KDM6A: variants seen among roughly 807,000 people sequenced by gnomAD.
KDM6A encodes lysine demethylase 6A, also known as lysine-specific demethylase 6A.
KDM6A carries 11 observed loss-of-function variants against 117.6 expected under a neutral mutation model. That is an observed-to-expected ratio of 0.09 (90% CI 0.06 to 0.15). The LOEUF (loss-of-function observed/expected upper bound fraction) is 0.15. KDM6A is among the 10% of genes least tolerant of loss of function. The pLI, the probability that KDM6A is intolerant of heterozygous loss-of-function variation, is 1.00. For missense variants in KDM6A, 799 were observed against 1,077.3 expected (o/e 0.74, Z 3.62); for synonymous variants, 384 against 396.1 (o/e 0.97, Z 0.36).
At chrX:45,111,164 AAAATTGCAAGTAC>A (rs1363928987) in intron 29 of KDM6A, among the ~76,000 whole-genome samples, 4 of 111,303 alleles carry the variant, frequency 3.6e-5, no homozygotes, top group Non-Finnish European at 5.7e-5. Flanking sequence ...AGAAGTATAG[AAAATTGCAAGTAC>A]ACTGAGTAGG....
At chrX:45,065,688 A>T (rs1419041062) in intron 17 of KDM6A, among the ~76,000 whole-genome samples, 4 of 112,079 alleles carry the variant, frequency 3.6e-5, no homozygotes, top group Non-Finnish European at 7.5e-5. Context: ...AACTAGAAGG[A>T]TGGATGAAAC....
rs140465852 is a variant in KDM6A, at chrX:45,001,434, T to C, written c.385-9527T>C. ...CTAACTACAGCATAAAAGCTCTGCA[T>C]TGGGGAGCAAGACTCCTGGTTGACA... On this transcript the variant is annotated intron_variant, in intron 4 of 29. Transcript: ENST00000611820. 7.0e-3 allele frequency among the ~76,000 whole-genome samples: 775 copies of C among 111,448 alleles called. 7 individuals carry two copies. The highest frequency in any genetic ancestry group is 0.024 in the African/African-American group (733 of 30,610).
chrX:45,040,511 T>C (rs1602683685), intron 8 of KDM6A, among the ~76,000 whole-genome samples: 2 of 59,494 alleles, frequency 3.4e-5, no homozygotes, highest in Non-Finnish European at 3.2e-5. Flanking sequence ...CCCCCCCACC[T>C]CCCTCCCGGA....
chrX:44,946,490 A>G (rs746375743), intron 2 of KDM6A, among the ~76,000 whole-genome samples: 51 of 111,776 alleles, frequency 4.6e-4, no homozygotes, highest in South Asian at 1.1e-3. Context: ...TGTTGAAAGT[A>G]TATTTTCTCA....
intron 2 of KDM6A, among the ~76,000 whole-genome samples, chrX:44,934,579 T>C (rs2036857560): frequency 9.0e-6 from 1 of 111,723 alleles, no homozygotes; most frequent in Non-Finnish European, 1.9e-5. Flanking sequence ...CTTTTCATTA[T>C]TTGGTGTTAA....
At chrX:44,874,671 G>C (rs946227523) in intron 2 of KDM6A, among the ~76,000 whole-genome samples, 1 of 109,745 alleles carries the variant, frequency 9.1e-6, no homozygotes, top group South Asian at 3.9e-4. Context: ...GAGGATTCGG[G>C]GTGTAGTCTT....
chrX:45,097,173 G>A (rs977116424), intron 27 of KDM6A, among the ~76,000 whole-genome samples: 4 of 110,402 alleles, frequency 3.6e-5, no homozygotes, highest in African/African-American at 9.9e-5. Context: ...CCACATGGAC[G>A]CATAGAGGGG....
chrX:45,018,604 A>G (rs770904436), intron 5 of KDM6A, among the ~76,000 whole-genome samples: 1 of 111,854 alleles, frequency 8.9e-6, no homozygotes, highest in Non-Finnish European at 1.9e-5. Flanking sequence ...ATAGAAACTG[A>G]GAGTAGGAAA....
chrX:45,079,062 T>A, intron 20 of KDM6A, 84 bp from the exon 21 acceptor site: 1 of 837,886 alleles, frequency 1.2e-6, no homozygotes, highest in Non-Finnish European at 1.7e-6. Context: ...ATGCTTTACC[T>A]TCTTCCTTTA....
At chrX:44,922,020 G>T (rs2035965426) in intron 2 of KDM6A, among the ~76,000 whole-genome samples, 1 of 37,812 alleles carries the variant, frequency 2.6e-5, no homozygotes, top group Non-Finnish European at 5.3e-5. Flanking sequence ...AAAATTCATT[G>T]TGTGTGCCTT....
chrX:45,029,160 C>T (rs1279046007), intron 6 of KDM6A, among the ~76,000 whole-genome samples: 1 of 111,668 alleles, frequency 9.0e-6, no homozygotes, highest in Non-Finnish European at 1.9e-5. Context: ...TGTGGCTGGG[C>T]GCAGTGGCTC....
At chrX:44,883,231 G>A in intron 2 of KDM6A, among the ~76,000 whole-genome samples, 1 of 109,630 alleles carries the variant, frequency 9.1e-6, no homozygotes, top group South Asian at 4.0e-4. Context: ...ACCAAGCCTG[G>A]CTACTTTTTT....
intron 21 of KDM6A, among the ~76,000 whole-genome samples, chrX:45,081,964 A>G (rs953881758): frequency 4.9e-4 from 53 of 108,906 alleles, no homozygotes; most frequent in African/African-American, 1.7e-3. Context: ...TATTTTTAGT[A>G]GAGACACGGT....
chrX:44,874,647 CAG>C (rs993120499), intron 2 of KDM6A, among the ~76,000 whole-genome samples: 1 of 110,780 alleles, frequency 9.0e-6, no homozygotes, highest in Admixed American at 9.6e-5. Context: ...GTGTGTCTGA[CAG>C]GGGAGGCTGG....
At chrX:44,992,328 A>G (rs1402734218) in intron 4 of KDM6A, among the ~76,000 whole-genome samples, 10 of 92,447 alleles carry the variant, frequency 1.1e-4, no homozygotes, top group African/African-American at 3.3e-4. Flanking sequence ...GGGTTCAAGC[A>G]ATTCTCCTGC....
At chrX:44,920,933 G>A (rs1248600770) in intron 2 of KDM6A, among the ~76,000 whole-genome samples, 3 of 100,282 alleles carry the variant, frequency 3.0e-5, no homozygotes, top group Non-Finnish European at 6.0e-5. Flanking sequence ...GGAGTGCAGT[G>A]GTGTGATTTC....
rs1461067147 is a variant in KDM6A, at chrX:45,034,957, T to C, written c.591T>C (p.Cys197=). 8.3e-7 allele frequency: 1 copy of C among 1,206,595 alleles called. No homozygotes were observed. The highest frequency in any genetic ancestry group is 2.2e-5 in the Admixed American group (1 of 46,072). Residue 197 remains cysteine, a synonymous_variant, in exon 7 of 30, where the codon TGT becomes TGC. Coordinates refer to ENST00000611820, the MANE Select transcript of KDM6A (RefSeq NM_001291415.2). ...ATTTTCAGTTAGCTTTGGTTGACTG[T>C]AATCCCTGCACTTTGTCCAATGCTG... ...LKHFQLALVD[C]NPCTLSNAEI...
chrX:45,097,260 T>G (rs1427489814), intron 27 of KDM6A, among the ~76,000 whole-genome samples: 2 of 110,616 alleles, frequency 1.8e-5, no homozygotes, highest in African/African-American at 3.3e-5. Flanking sequence ...GATACTAGAC[T>G]TAATACCTGG....
In KDM6A at chrX:45,039,529, T is replaced by A. The variant is rs866177736; in HGVS notation, c.654+1840T>A. On this transcript the variant is annotated intron_variant, in intron 8 of 29. Transcript: ENST00000611820. ...TTTTTTTTTTTTTTTTTTTTTTTTTTATTGATCATTCTTGGGTGTTTCTCG... is the reference window on the plus strand; with the variant it reads ...TTTTTTTTTTTTTTTTTTTTTTTTTAATTGATCATTCTTGGGTGTTTCTCG... 5.4e-3 allele frequency among the ~76,000 whole-genome samples: 465 copies of A among 85,369 alleles called. 5 individuals carry two copies. Among genetic ancestry groups the A allele is most frequent in the African/African-American group, 0.02 (418 of 20,902 alleles). 74.1% of individuals were successfully genotyped at this position (85,369 alleles called of 115,157 possible). A position where few individuals can be genotyped will look rare whatever the true frequency, so the allele number is the denominator to read the frequency against.
Sources: gnomAD v4.1 joint callset for allele counts (sites outside exome capture counted in the v4.1 genomes callset) on GRCh38, gnomAD v4.1.1 for gene constraint, MANE v1.5 for transcripts, NCBI Gene and HGNC (gene_info 2026-07-23, HGNC 2026-07-21) for gene names.